ADAMTSL3: variants seen among roughly 807,000 people sequenced by gnomAD.
The protein encoded by ADAMTSL3 is ADAMTS-like protein 3.
A neutral mutation model predicts 201.7 loss-of-function variants in ADAMTSL3; 128 were observed. The observed-to-expected ratio is 0.63, with a 90% CI of 0.55 to 0.73. The LOEUF is 0.73. ADAMTSL3 is among the 30% of genes least tolerant of loss of function. The pLI, the probability that ADAMTSL3 is intolerant of heterozygous loss-of-function variation, is 0.00. For missense variants in ADAMTSL3, 1,990 were observed against 2,119.6 expected (o/e 0.94, Z 1.20); for synonymous variants, 738 against 748.4 (o/e 0.99, Z 0.23).
At chr15:83,886,407 C>G (rs1214793719) in intron 10 of ADAMTSL3, among the ~76,000 whole-genome samples, 2 of 152,162 alleles carry the variant, frequency 1.3e-5, no homozygotes, top group South Asian at 2.1e-4. Context: ...AGGAAGGTCT[C>G]TTTTATTCCT....
intron 2 of ADAMTSL3, among the ~76,000 whole-genome samples, chr15:83,659,942 C>A (rs1193363119): frequency 6.6e-6 from 1 of 152,138 alleles, no homozygotes; most frequent in East Asian, 1.9e-4. Flanking sequence ...GATTTTAGTC[C>A]TGTAAAAATG....
intron 7 of ADAMTSL3, among the ~76,000 whole-genome samples, chr15:83,851,120 A>T (rs772735747): frequency 3.3e-5 from 5 of 152,210 alleles, no homozygotes; most frequent in African/African-American, 7.2e-5. Flanking sequence ...ATTCATATTT[A>T]GGTAAAATGT....
intron 8 of ADAMTSL3, among the ~76,000 whole-genome samples, chr15:83,869,397 C>T (rs932507682): frequency 2.6e-5 from 4 of 152,096 alleles, no homozygotes; most frequent in Non-Finnish European, 5.9e-5. Flanking sequence ...GAGATCAGGG[C>T]CAAAGTGGTT....
rs2062693269 is a variant in ADAMTSL3 at position 83,754,833 on chromosome 15, C to G, written c.190-18690C>G. Among the ~76,000 whole-genome samples the G allele has an allele frequency of 2.0e-5, 3 of 152,212 alleles. No homozygotes were observed. The South Asian group carries it at 6.2e-4, about 32-fold the overall frequency. On this transcript the variant is annotated intron_variant, in intron 3 of 29. Coordinates refer to ENST00000286744, the MANE Select transcript of ADAMTSL3 (RefSeq NM_207517.3). The stretch of plus-strand genomic sequence containing the variant: ...TGATCACAGCAGAATAAATTATTTC[C>G]TTAAAGATACCTCTAAGTGTATCAC...
intron 5 of ADAMTSL3, among the ~76,000 whole-genome samples, chr15:83,810,570 A>T (rs1215807458): frequency 6.6e-6 from 1 of 152,206 alleles, no homozygotes; most frequent in Non-Finnish European, 1.5e-5. Context: ...CACAGGTCCT[A>T]CTGGGCTAAA....
At chr15:83,866,615 G>T (rs577041496) in intron 8 of ADAMTSL3, among the ~76,000 whole-genome samples, 68 of 152,040 alleles carry the variant, frequency 4.5e-4, no homozygotes, top group South Asian at 1.0e-3. Flanking sequence ...GTTGTGGGGT[G>T]GGGGGAGTGG....
At chr15:83,655,322 C>T (rs1351029627) in intron 1 of ADAMTSL3, among the ~76,000 whole-genome samples, 2 of 152,208 alleles carry the variant, frequency 1.3e-5, no homozygotes, top group Non-Finnish European at 2.9e-5. Context: ...TAGGCAGGTC[C>T]TTTCCCTCTC....
chr15:83,749,465 G>T (rs1209481483), intron 3 of ADAMTSL3, among the ~76,000 whole-genome samples: 1 of 152,206 alleles, frequency 6.6e-6, no homozygotes, highest in Admixed American at 6.5e-5. Flanking sequence ...AATGCATGCA[G>T]AACAGTTCTG....
intron 20 of ADAMTSL3, among the ~76,000 whole-genome samples, chr15:83,981,300 C>T (rs763149749): frequency 6.6e-6 from 1 of 152,190 alleles, no homozygotes; most frequent in Non-Finnish European, 1.5e-5. Flanking sequence ...GGGCCTAGCC[C>T]ATTAAGAGGA....
At chr15:83,745,858 A>G (rs1270681898) in intron 3 of ADAMTSL3, among the ~76,000 whole-genome samples, 1 of 152,228 alleles carries the variant, frequency 6.6e-6, no homozygotes, top group Non-Finnish European at 1.5e-5. Context: ...GTTGTCATGG[A>G]AAGAGGCTGT....
chr15:83,989,823 G>C (rs1004648204), intron 22 of ADAMTSL3, among the ~76,000 whole-genome samples: 2 of 152,184 alleles, frequency 1.3e-5, no homozygotes, highest in Middle Eastern at 3.4e-3. Context: ...TATTATTTTT[G>C]CATGCAAATT....
In ADAMTSL3 at chr15:83,654,683, G is replaced by C. The variant is rs549767700; in HGVS notation, c.-34+407G>C. ...CCGGGGGTTGAGGCGACGCGCGATCGTGGAAAGTGGGCGTGGGGGTGACCG... is the reference window on the plus strand; with the variant it reads ...CCGGGGGTTGAGGCGACGCGCGATCCTGGAAAGTGGGCGTGGGGGTGACCG... On this transcript the variant is annotated intron_variant, in intron 1 of 29. Coordinates refer to ENST00000286744, the MANE Select transcript of ADAMTSL3 (RefSeq NM_207517.3). The surrounding 1 kb of genome is among the most constrained non-coding windows in gnomAD (Gnocchi z 5.3). Among the ~76,000 whole-genome samples, 61 of 152,272 alleles carry C rather than the reference G, an allele frequency of 4.0e-4. No homozygotes were observed. Among genetic ancestry groups the C allele is most frequent in the African/African-American group, 1.4e-3 (60 of 41,576 alleles).
chr15:83,821,707 T>G (rs2063870294), intron 6 of ADAMTSL3, among the ~76,000 whole-genome samples: 1 of 152,236 alleles, frequency 6.6e-6, no homozygotes, highest in Non-Finnish European at 1.5e-5. Flanking sequence ...CCACTTTCTA[T>G]TCCACAAAAC....
intron 15 of ADAMTSL3, among the ~76,000 whole-genome samples, chr15:83,902,022 C>T (rs887486154): frequency 6.6e-6 from 1 of 152,170 alleles, no homozygotes; most frequent in African/African-American, 2.4e-5. Context: ...AGCCTGGATT[C>T]TTTCTTGGCT....
At chr15:83,857,575 A>G (rs1345177870) in intron 7 of ADAMTSL3, among the ~76,000 whole-genome samples, 10 of 152,142 alleles carry the variant, frequency 6.6e-5, no homozygotes, top group Non-Finnish European at 1.5e-5. Context: ...TTCCTTTTAC[A>G]TGTATACATG....
intron 17 of ADAMTSL3, among the ~76,000 whole-genome samples, chr15:83,935,169 G>C (rs961036349): frequency 2.0e-5 from 3 of 152,144 alleles, no homozygotes; most frequent in Non-Finnish European, 4.4e-5. Context: ...AATTGCACTT[G>C]TACCCCTTAC....
chr15:83,959,312 T>C (rs1016199876), intron 19 of ADAMTSL3, among the ~76,000 whole-genome samples: 5 of 152,076 alleles, frequency 3.3e-5, no homozygotes, highest in African/African-American at 1.2e-4. Context: ...TCCTGTAATC[T>C]CAGTTACTCG....
intron 3 of ADAMTSL3, among the ~76,000 whole-genome samples, chr15:83,754,214 A>T (rs2062683203): frequency 6.6e-6 from 1 of 152,188 alleles, no homozygotes; most frequent in African/African-American, 2.4e-5. Flanking sequence ...CTGGGGGGCA[A>T]AACTGTGTGA....
chr15:83,745,687 C>G (rs2062533705), intron 3 of ADAMTSL3, among the ~76,000 whole-genome samples: 1 of 152,192 alleles, frequency 6.6e-6, no homozygotes, highest in Non-Finnish European at 1.5e-5. Context: ...CCCATGCACT[C>G]CAGTTCCCAG....
Sources: allele counts gnomAD v4.1 joint callset (sites outside exome capture counted in the v4.1 genomes callset), GRCh38; gene constraint gnomAD v4.1.1; non-coding constraint Gnocchi (gnomAD v3.1); transcripts MANE v1.5; gene names NCBI Gene and HGNC (gene_info 2026-07-23, HGNC 2026-07-21).